Variants in KCNJ16 observed in about 807,000 individuals in gnomAD.
The protein encoded by KCNJ16 is inward rectifier potassium channel 16.
KCNJ16 carries 15 observed loss-of-function variants against 18.5 expected under a neutral mutation model. The ratio of observed to expected loss-of-function variants is 0.81; its 90% CI spans 0.54 to 1.25. The LOEUF is 1.25. KCNJ16 is among the 50% of genes most tolerant of loss of function. The probability of loss-of-function intolerance (pLI) is 0.00; values close to 1 mark genes in which losing one functional copy is unlikely to be tolerated. For missense variants in KCNJ16, 523 were observed against 525.7 expected (o/e 0.99, Z 0.05); for synonymous variants, 174 against 186.5 (o/e 0.93, Z 0.55).
chr17:70,115,984 G>A (rs1255992022), intron 2 of KCNJ16, among the ~76,000 whole-genome samples: 1 of 152,064 alleles, frequency 6.6e-6, no homozygotes, highest in Non-Finnish European at 1.5e-5. Context: ...CCTTTACAAA[G>A]CCTCAGAATT....
chr17:70,129,028 A>G (rs1054124320), intron 2 of KCNJ16, among the ~76,000 whole-genome samples: 7 of 152,190 alleles, frequency 4.6e-5, no homozygotes, highest in African/African-American at 1.4e-4. Flanking sequence ...TGCTTCTGCT[A>G]TCTTGCTGAC....
intron 1 of KCNJ16, among the ~76,000 whole-genome samples, chr17:70,078,769 C>A (rs2071422047): frequency 6.6e-6 from 1 of 152,138 alleles, no homozygotes; most frequent in Admixed American, 6.6e-5. Flanking sequence ...ATGCAATGGT[C>A]CAGCACCATC....
At chr17:70,128,794 A>G (rs542700187) in intron 2 of KCNJ16, 3 of 152,354 alleles carry the variant, frequency 2.0e-5, no homozygotes, top group South Asian at 4.1e-4. Context: ...GCGCGGTAAC[A>G]AACACCACAA....
chr17:70,104,417 G>T (rs1555589580), intron 2 of KCNJ16, among the ~76,000 whole-genome samples: 1 of 152,122 alleles, frequency 6.6e-6, no homozygotes, highest in Non-Finnish European at 1.5e-5. Flanking sequence ...GTCTTTCTGG[G>T]GGCATACGCT....
intron 2 of KCNJ16, among the ~76,000 whole-genome samples, chr17:70,121,818 CTGAGTGTGGT>C (rs1167501607): frequency 6.6e-6 from 1 of 152,062 alleles, no homozygotes; most frequent in Admixed American, 6.6e-5. Context: ...AAAAAATTAG[CTGAGTGTGGT>C]GGCACATGCC....
At chr17:70,109,543 G>A (rs1440734398) in intron 2 of KCNJ16, among the ~76,000 whole-genome samples, 1 of 150,638 alleles carries the variant, frequency 6.6e-6, no homozygotes, top group African/African-American at 2.5e-5. Context: ...CCCAACACTG[G>A]GTTTTCCCCT....
chr17:70,114,531 C>T (rs2073324128), intron 2 of KCNJ16, among the ~76,000 whole-genome samples: 1 of 152,120 alleles, frequency 6.6e-6, no homozygotes, highest in Admixed American at 6.6e-5. Context: ...TACATGGGAG[C>T]TACTAAAGAT....
At chr17:70,126,906 T>C (rs1050119070) in intron 2 of KCNJ16, among the ~76,000 whole-genome samples, 1 of 152,180 alleles carries the variant, frequency 6.6e-6, no homozygotes, top group African/African-American at 2.4e-5. Flanking sequence ...GTAGGATTTA[T>C]AATCAGATGT....
At chr17:70,111,897 C>G (rs1255474067) in intron 2 of KCNJ16, among the ~76,000 whole-genome samples, 1 of 152,146 alleles carries the variant, frequency 6.6e-6, no homozygotes, top group Non-Finnish European at 1.5e-5. Context: ...GCCCATTAAA[C>G]CTCTTTTTCT....
chr17:70,100,085 G>A (rs961024115), intron 1 of KCNJ16, among the ~76,000 whole-genome samples: 1 of 152,156 alleles, frequency 6.6e-6, no homozygotes, highest in African/African-American at 2.4e-5. Flanking sequence ...CAGGCAGTTA[G>A]AATAACAGGA....
chr17:70,092,739 T>C (rs1030823052), intron 1 of KCNJ16, among the ~76,000 whole-genome samples: 9 of 152,246 alleles, frequency 5.9e-5, no homozygotes, highest in African/African-American at 1.9e-4. Flanking sequence ...TCTGAGAATT[T>C]TGGAAGCCAA....
At position 70,132,051 on chromosome 17, in the gene KCNJ16, A is replaced by G; in HGVS notation, c.-37A>G. The G allele has an allele frequency of 1.2e-6, 2 of 1,613,364 alleles. No individual in the cohort carries two copies. Among genetic ancestry groups the G allele is most frequent in the African/African-American group, 1.3e-5 (1 of 75,050 alleles). On this transcript the variant is annotated 5_prime_UTR_variant, in exon 4 of 4. Transcript: ENST00000392671. Reference sequence around the variant, plus strand: ...CAACAAGTCTAGAATTCTTACTACTACAAAACTCACCTGGATCCCTAAGGG... The same window carrying G: ...CAACAAGTCTAGAATTCTTACTACTGCAAAACTCACCTGGATCCCTAAGGG...
At chr17:70,106,199 G>C (rs1332401596) in intron 2 of KCNJ16, among the ~76,000 whole-genome samples, 1 of 152,122 alleles carries the variant, frequency 6.6e-6, no homozygotes, top group Middle Eastern at 3.2e-3. Context: ...TCGTTGGCCT[G>C]ACAAATATGG....
intron 1 of KCNJ16, among the ~76,000 whole-genome samples, chr17:70,098,979 C>A (rs1404630532): frequency 6.6e-6 from 1 of 152,170 alleles, no homozygotes; most frequent in Non-Finnish European, 1.5e-5. Context: ...TTATCAAATC[C>A]ACATTCTGAA....
intron 2 of KCNJ16, chr17:70,127,996 C>T (rs962334800): frequency 5.9e-5 from 9 of 152,136 alleles, no homozygotes; most frequent in African/African-American, 2.2e-4. Context: ...GTTTTATCAC[C>T]AGTGTCTTAA....
intron 2 of KCNJ16, among the ~76,000 whole-genome samples, chr17:70,110,480 G>GCACACACACA (rs1337834954): frequency 0.015 from 2,312 of 151,096 alleles, 60 homozygotes; most frequent in African/African-American, 0.051. Flanking sequence ...CACTTCGTGC[G>GCACACACACA]CGCACACACA....
At chr17:70,092,527 TA>T (rs2072143947) in intron 1 of KCNJ16, among the ~76,000 whole-genome samples, 1 of 60,264 alleles carries the variant, frequency 1.7e-5, no homozygotes, top group African/African-American at 8.6e-5. Flanking sequence ...GATAGATACA[TA>T]GACAGATAGA....
chr17:70,127,315 G>A (rs2144228124), intron 2 of KCNJ16, among the ~76,000 whole-genome samples: 1 of 152,132 alleles, frequency 6.6e-6, no homozygotes, highest in South Asian at 2.1e-4. Flanking sequence ...GGAGAAGCGT[G>A]GACAGTTATC....
Position 70,112,274 on chromosome 17 carries a change from C to A in KCNJ16, c.-191+11508C>A, listed in dbSNP as rs889476315. ...CAAATATTCCTTCAGCCTATTATGT[C>A]TTCTCTCGTAAATGTTTCTGGATAA... On this transcript the variant is annotated intron_variant, in intron 2 of 3. Coordinates refer to ENST00000392671, the MANE Select transcript of KCNJ16 (RefSeq NM_170741.4). 1.2e-3 allele frequency among the ~76,000 whole-genome samples: 181 copies of A among 152,010 alleles called. 1 individual carries two copies. The highest frequency in any genetic ancestry group is 4.3e-4 in the Non-Finnish European group (29 of 68,026).
Sources: allele counts gnomAD v4.1 joint callset (sites outside exome capture counted in the v4.1 genomes callset), GRCh38; gene constraint gnomAD v4.1.1; transcripts MANE v1.5; gene names NCBI Gene and HGNC (gene_info 2026-07-23, HGNC 2026-07-21).